THSD4: variants seen among roughly 807,000 people sequenced by gnomAD.
THSD4 encodes thrombospondin type 1 domain containing 4.
A neutral mutation model predicts 119.0 loss-of-function variants in THSD4; 69 were observed. That is an observed-to-expected ratio of 0.58 (90% CI 0.48 to 0.71). The LOEUF (loss-of-function observed/expected upper bound fraction) is 0.71, where lower values mean the gene tolerates loss of function less well. Among genes scored for constraint, THSD4 ranks in the 30% least tolerant of loss-of-function variants. The probability of loss-of-function intolerance (pLI) is 0.00; values close to 1 mark genes in which losing one functional copy is unlikely to be tolerated. For synonymous variants in THSD4, 524 were observed against 540.4 expected (o/e 0.97, Z 0.42); for missense variants, 1,393 against 1,391.1 (o/e 1.00, Z -0.02).
At position 71,737,930 on chromosome 15, in the gene THSD4, C is replaced by G. The variant is rs202043198; in HGVS notation, c.1829C>G (p.Pro610Arg). 4.3e-6 allele frequency: 7 copies of G among 1,614,178 alleles called. 1 individual carries two copies. The highest frequency in any genetic ancestry group is 2.2e-5 in the South Asian group (2 of 91,066). ...HRPDNLVPPA[P>R]QPPRRSRDHN... ...CCGGACAACTTGGTGCCACCAGCACCGCAGCCCCCACGGCGCAGCCGGGAT... is the reference window on the plus strand; with the variant it reads ...CCGGACAACTTGGTGCCACCAGCACGGCAGCCCCCACGGCGCAGCCGGGAT... The change falls in exon 11 of 18, where the codon CCG becomes CGG. Residue 610 changes from proline (P) to arginine (R), a missense_variant. Physicochemically the swap from Pro to Arg is moderately radical, Grantham distance 103. Coordinates refer to ENST00000261862, the MANE Select transcript of THSD4 (RefSeq NM_024817.3).
At chr15:71,143,082 C>G (rs2040620730) in intron 2 of THSD4, among the ~76,000 whole-genome samples, 1 of 152,090 alleles carries the variant, frequency 6.6e-6, no homozygotes, top group African/African-American at 2.4e-5. Context: ...AATCCAAATA[C>G]CCGCAGAGAA....
At chr15:71,240,704 C>G (rs1455367536) in intron 4 of THSD4, among the ~76,000 whole-genome samples, 1 of 152,010 alleles carries the variant, frequency 6.6e-6, no homozygotes, top group South Asian at 2.1e-4. Context: ...CGCAGAAATT[C>G]TTTCCTTTGC....
At chr15:71,377,014 A>G (rs1254486583) in intron 6 of THSD4, among the ~76,000 whole-genome samples, 1 of 152,158 alleles carries the variant, frequency 6.6e-6, no homozygotes, top group Admixed American at 6.5e-5. Flanking sequence ...GGAGGGACCA[A>G]AAGGAGGTGG....
chr15:71,511,549 G>T (rs975214551), intron 7 of THSD4, among the ~76,000 whole-genome samples: 2 of 152,016 alleles, frequency 1.3e-5, no homozygotes, highest in Non-Finnish European at 2.9e-5. Flanking sequence ...GAATTAAAAC[G>T]TGGGAAAACC....
intron 8 of THSD4, among the ~76,000 whole-genome samples, chr15:71,675,370 T>A (rs2051622498): frequency 6.6e-6 from 1 of 152,214 alleles, no homozygotes; most frequent in African/African-American, 2.4e-5. Context: ...CTGTAGTTTA[T>A]CTGTTTACAT....
chr15:71,407,543 G>C (rs1441362), intron 6 of THSD4, among the ~76,000 whole-genome samples: 3,436 of 151,220 alleles, frequency 0.023, 126 homozygotes, highest in African/African-American at 0.08. Flanking sequence ...TAAACTTTTA[G>C]CTTTTAGTTG....
chr15:71,623,386 CT>C (rs2050453057), intron 7 of THSD4, among the ~76,000 whole-genome samples: 1 of 152,156 alleles, frequency 6.6e-6, no homozygotes, highest in South Asian at 2.1e-4. Context: ...TTAATCCCGT[CT>C]TACAGAAGAG....
intron 6 of THSD4, among the ~76,000 whole-genome samples, chr15:71,407,675 A>T (rs1393666046): frequency 1.3e-5 from 2 of 151,586 alleles, no homozygotes; most frequent in Non-Finnish European, 2.9e-5. Context: ...TAGAGTACCT[A>T]TATTTGGGGT....
At chr15:71,414,139 C>T (rs1175528710) in intron 7 of THSD4, among the ~76,000 whole-genome samples, 2 of 152,204 alleles carry the variant, frequency 1.3e-5, no homozygotes, top group East Asian at 3.8e-4. Context: ...GTTACTTAAG[C>T]TCTCTGTGCT....
At chr15:71,146,646 T>C (rs1386526530) in intron 2 of THSD4, among the ~76,000 whole-genome samples, 1 of 152,196 alleles carries the variant, frequency 6.6e-6, no homozygotes, top group African/African-American at 2.4e-5. Context: ...GTTGACACTA[T>C]ATGAACACAG....
chr15:71,411,526 C>T (rs1302961419), intron 6 of THSD4, among the ~76,000 whole-genome samples, 161 bp from the exon 7 acceptor site: 3 of 151,864 alleles, frequency 2.0e-5, no homozygotes, highest in African/African-American at 7.3e-5. Flanking sequence ...TATGAATATA[C>T]GAAGACTTAT....
intron 3 of THSD4, among the ~76,000 whole-genome samples, chr15:71,159,817 G>A (rs1313207675): frequency 2.0e-5 from 3 of 151,936 alleles, no homozygotes; most frequent in African/African-American, 7.2e-5. Flanking sequence ...GAATTCCTAT[G>A]TTGATTTGGG....
chr15:71,391,290 A>G (rs1459847660), intron 6 of THSD4, among the ~76,000 whole-genome samples: 4 of 152,034 alleles, frequency 2.6e-5, no homozygotes, highest in South Asian at 2.1e-4. Flanking sequence ...CGGCCTCTCA[A>G]AGTGCTGGGA....
chr15:71,532,505 C>T (rs1288183569), intron 7 of THSD4, among the ~76,000 whole-genome samples: 4 of 151,326 alleles, frequency 2.6e-5, no homozygotes. Flanking sequence ...TTAGTAGAGA[C>T]GAGGTTTCAC....
chr15:71,629,156 T>C (rs2140940925), intron 7 of THSD4, among the ~76,000 whole-genome samples: 1 of 152,250 alleles, frequency 6.6e-6, no homozygotes, highest in South Asian at 2.1e-4. Context: ...ATAAACAATG[T>C]AGTGGAACGG....
intron 3 of THSD4, among the ~76,000 whole-genome samples, chr15:71,212,840 C>T (rs527414311): frequency 6.6e-6 from 1 of 152,292 alleles, no homozygotes; most frequent in Admixed American, 6.5e-5. Context: ...CTCTGGGTGG[C>T]TGGGGGAGCT....
At chr15:71,326,700 A>ATATATAT (rs869113340) in intron 6 of THSD4, among the ~76,000 whole-genome samples, 1 of 6,454 alleles carries the variant, frequency 1.5e-4, no homozygotes, top group African/African-American at 3.4e-4. Flanking sequence ...AAAAAAAAAA[A>ATATATAT]ATATATATAT....
At chr15:71,429,182 A>G (rs891407690) in intron 7 of THSD4, among the ~76,000 whole-genome samples, 9 of 152,350 alleles carry the variant, frequency 5.9e-5, no homozygotes, top group Middle Eastern at 3.4e-3. Flanking sequence ...GGAAAATCGG[A>G]GGAGAATCTG....
chr15:71,430,833 G>A (rs1324275530), intron 7 of THSD4, among the ~76,000 whole-genome samples: 1 of 149,206 alleles, frequency 6.7e-6, no homozygotes, highest in Non-Finnish European at 1.5e-5. Flanking sequence ...AAATGTGTAT[G>A]TAAGGTACTA....
Sources: gnomAD v4.1 joint callset for allele counts (sites outside exome capture counted in the v4.1 genomes callset) on GRCh38, gnomAD v4.1.1 for gene constraint, MANE v1.5 for transcripts, NCBI Gene and HGNC (gene_info 2026-07-23, HGNC 2026-07-21) for gene names.